The following ZBTB49 variants were observed in gnomAD, a reference collection of about 807,000 sequenced individuals.
The protein encoded by ZBTB49 is zinc finger and BTB domain-containing protein 49.
Under a neutral mutation model 57.5 loss-of-function variants are expected in ZBTB49, and 43 were observed. That is an observed-to-expected ratio of 0.75 (90% CI 0.59 to 0.97). ZBTB49 has a LOEUF of 0.97. Ranked by LOEUF, ZBTB49 falls within the 50% of genes least tolerant of loss-of-function variation. The pLI, the probability that ZBTB49 is intolerant of heterozygous loss-of-function variation, is 0.00. For synonymous variants in ZBTB49, 369 were observed against 362.1 expected, an observed-to-expected ratio of 1.02 and a Z score of -0.22; for missense variants, 938 against 947.7, an observed-to-expected ratio of 0.99 and a Z score of 0.13.
intron 7 of ZBTB49, 90 bp from the exon 8 acceptor site, chr4:4,320,550 G>A: frequency 6.6e-7 from 1 of 1,518,922 alleles, no homozygotes; most frequent in African/African-American, 1.4e-5. Flanking sequence ...TGAGGAAGAA[G>A]GATTGTTTGA....
chr4:4,321,099 A>T lies in ZBTB49; in HGVS notation c.2081A>T (p.Asp694Val). 6.2e-7 allele frequency: 1 copy of T among 1,614,140 alleles called. No homozygotes were observed. Among genetic ancestry groups the T allele is most frequent in the Non-Finnish European group, 8.5e-7 (1 of 1,180,034 alleles). Residue 694 changes from aspartate to valine, a missense_variant, in exon 8 of 8, where the codon GAT becomes GTT. Physicochemically the swap from Asp to Val is radical, Grantham distance 152. This residue lies in a region of ZBTB49 where 835 missense variants were observed against 819.1 expected (regional missense o/e 1.02). Transcript: ENST00000337872. ...CAGCCTCAGGCCTATGCTTACTCGG[A>T]TGTGGACACCCCAGCCGGTGGCGAA... Reference protein sequence around the residue: ...QTQPQAYAYSDVDTPAGGEPL... With the variant: ...QTQPQAYAYSVVDTPAGGEPL...
At position 4,321,622 on chromosome 4, in the gene ZBTB49, A is replaced by G. The variant is rs1433710809; in HGVS notation, c.*306A>G. ...GTGTGCATCGTGTCAACTACTGTAC[A>G]TGTTGGTCATGTGAAAGGAATTATA... On this transcript the variant is annotated 3_prime_UTR_variant, in exon 8 of 8. Coordinates refer to ENST00000337872, the MANE Select transcript of ZBTB49 (RefSeq NM_145291.4). The G allele has an allele frequency of 7.3e-6, 3 of 412,244 alleles. No homozygotes were observed. Among genetic ancestry groups the G allele is most frequent in the South Asian group, 3.1e-5 (1 of 32,566 alleles). The allele number at this position is 412,244 out of a possible 1,614,324, so 25.5% of individuals were successfully genotyped here. A position where few individuals can be genotyped will look rare whatever the true frequency, so the allele number is the denominator to read the frequency against.
intron 2 of ZBTB49, 82 bp downstream of exon 2, chr4:4,300,179 C>A (rs1720414551): frequency 6.9e-7 from 1 of 1,455,758 alleles, no homozygotes; most frequent in Middle Eastern, 2.0e-4. Context: ...ATTTTGTTCT[C>A]CTTGGATTTC....
At chr4:4,293,786 T>A (rs1720055930) in intron 1 of ZBTB49, among the ~76,000 whole-genome samples, 1 of 152,226 alleles carries the variant, frequency 6.6e-6, no homozygotes, top group Non-Finnish European at 1.5e-5. Context: ...TCTCTCTAGC[T>A]GGGCATCTTA....
chr4:4,293,293 C>G (rs1814374), intron 1 of ZBTB49, among the ~76,000 whole-genome samples: 112,934 of 152,210 alleles, frequency 0.74, 43,308 homozygotes, highest in Non-Finnish European at 0.83. Flanking sequence ...TGCTCCTTCT[C>G]TCACGCTATA....
chr4:4,319,811 A>C (rs1285615382), intron 7 of ZBTB49, among the ~76,000 whole-genome samples: 2 of 140,402 alleles, frequency 1.4e-5, no homozygotes, highest in African/African-American at 2.7e-5. Flanking sequence ...CACTCCCAGC[A>C]CTTTGGGAGG....
intron 7 of ZBTB49, among the ~76,000 whole-genome samples, chr4:4,316,256 G>A (rs980269240): frequency 2.6e-5 from 4 of 152,198 alleles, no homozygotes; most frequent in Non-Finnish European, 4.4e-5. Flanking sequence ...GAGGGTGGCT[G>A]GGAAAGTAGG....
intron 4 of ZBTB49, 133 bp downstream of exon 4, chr4:4,306,317 A>G: frequency 1.4e-6 from 1 of 731,302 alleles, no homozygotes; most frequent in Non-Finnish European, 2.3e-6. Context: ...CTTCAGAATA[A>G]ATTAGGATAA....
chr4:4,319,118 C>T (rs1278808242), intron 7 of ZBTB49, among the ~76,000 whole-genome samples: 1 of 151,864 alleles, frequency 6.6e-6, no homozygotes, highest in Non-Finnish European at 1.5e-5. Context: ...GTCTTGAACT[C>T]CTGAGCTCAA....
chr4:4,299,955 G>A lies in ZBTB49; in HGVS notation c.10G>A (p.Val4Ile), dbSNP rs1266974451. ...ACCTGAATGGTTGAGCATGGACCCT[G>A]TTGCTACCCACAGCTGCCATCTGCT... MDP[V>I]ATHSCHLLQQ... The change falls in exon 2 of 8, where the codon GTT becomes ATT. Residue 4 changes from valine (V) to isoleucine (I), a missense_variant. Around this residue, in one of 3 missense-constraint regions of ZBTB49, gnomAD observed 100 missense variants for 112.5 expected, o/e 0.89. Transcript: ENST00000337872. The A allele has an allele frequency of 5.0e-6, 8 of 1,614,026 alleles. No individual in the cohort carries two copies. The highest frequency in any genetic ancestry group is 5.9e-6 in the Non-Finnish European group (7 of 1,180,018).
At chr4:4,314,441 G>A (rs752619571) in intron 5 of ZBTB49, among the ~76,000 whole-genome samples, 4 of 152,102 alleles carry the variant, frequency 2.6e-5, no homozygotes, top group African/African-American at 9.7e-5. Flanking sequence ...GCTGAATCTC[G>A]GCTCACTGCA....
At chr4:4,319,686 T>C (rs1419990770) in intron 7 of ZBTB49, among the ~76,000 whole-genome samples, 1 of 152,056 alleles carries the variant, frequency 6.6e-6, no homozygotes, top group Non-Finnish European at 1.5e-5. Flanking sequence ...CCTGGTGTGT[T>C]GGCACACCTT....
intron 3 of ZBTB49, among the ~76,000 whole-genome samples, chr4:4,303,760 C>CTCTCTGTGTGTG (rs1223289249): frequency 2.5e-5 from 3 of 121,322 alleles, no homozygotes; most frequent in African/African-American, 6.7e-5. Context: ...CTCTCTCTCT[C>CTCTCTGTGTGTG]TGTGTGTGTG....
intron 4 of ZBTB49, among the ~76,000 whole-genome samples, chr4:4,306,511 G>T (rs901580390): frequency 1.3e-5 from 2 of 152,210 alleles, no homozygotes; most frequent in Non-Finnish European, 2.9e-5. Context: ...GCTGCACATT[G>T]TGCTGGGTTA....
chr4:4,290,974 G>T (rs1719873018), intron 1 of ZBTB49, among the ~76,000 whole-genome samples: 3 of 152,186 alleles, frequency 2.0e-5, no homozygotes, highest in African/African-American at 7.2e-5. Flanking sequence ...CCTTAAAACA[G>T]GGTCTGGCAC....
rs759403850 is a variant in ZBTB49 at position 4,302,291 on chromosome 4, A to AC, written c.461dup (p.His155SerfsTer18). 1 of 1,613,050 alleles carries AC rather than the reference A, an allele frequency of 6.2e-7. No homozygotes were observed. Among genetic ancestry groups the AC allele is most frequent in the Non-Finnish European group, 8.5e-7 (1 of 1,179,086 alleles). On this transcript the variant is annotated frameshift_variant, in exon 3 of 8. Transcript: ENST00000337872. LOFTEE classifies it high-confidence loss of function. ...GCCACTTGTGTTATCAGTGAAAACTACCCCCCTCATTTACTGCAGGAATGT... is the reference window on the plus strand; with the variant it reads ...GCCACTTGTGTTATCAGTGAAAACTACCCCCCCTCATTTACTGCAGGAATGT...
rs548581119 is a variant in ZBTB49 at position 4,316,510 on chromosome 4, A to G, written c.1621+540A>G. 3.4e-4 allele frequency among the ~76,000 whole-genome samples: 51 copies of G among 152,214 alleles called. 1 individual carries two copies. Among genetic ancestry groups the G allele is most frequent in the Admixed American group, 3.1e-3 (48 of 15,288 alleles). On this transcript the variant is annotated intron_variant, in intron 7 of 7. Coordinates refer to ENST00000337872, the MANE Select transcript of ZBTB49 (RefSeq NM_145291.4). The stretch of plus-strand genomic sequence containing the variant: ...AAGGTAGCTCATGACCTGTGATCAC[A>G]GCGTTGGAGCCAGGATTCCTATACA...
chr4:4,321,481 G>C lies in ZBTB49; in HGVS notation c.*165G>C, dbSNP rs1560119152. The C allele has an allele frequency of 1.2e-6, 1 of 805,296 alleles. No individual in the cohort carries two copies. The highest frequency in any genetic ancestry group is 1.9e-6 in the Non-Finnish European group (1 of 524,204). 49.9% of individuals were successfully genotyped at this position (805,296 alleles called of 1,614,324 possible). ...TAATCTGAAGCATCTTGAGCTGGGG[G>C]TGTGAGGGGGAGGGCCTGCTGGCTC... On this transcript the variant is annotated 3_prime_UTR_variant, in exon 8 of 8. Transcript: ENST00000337872.
chr4:4,302,732 A>G lies in ZBTB49; in HGVS notation c.896A>G (p.Lys299Arg), dbSNP rs548876571. The change falls in exon 3 of 8, where the codon AAG becomes AGG. Residue 299 changes from lysine (K) to arginine (R), a missense_variant. By Grantham distance (26) the Lys-to-Arg change is conservative. Around this residue, in one of 3 missense-constraint regions of ZBTB49, gnomAD observed 835 missense variants for 819.1 expected, o/e 1.02. Coordinates refer to ENST00000337872, the MANE Select transcript of ZBTB49 (RefSeq NM_145291.4). ...GACGCCACATGCCAACAACCTGTCA[A>G]GCAGATGAGGCTCAAAAAGGCCATT... ...ESDATCQQPVKQMRLKKAIHL... is the reference protein window; with the variant it reads ...ESDATCQQPVRQMRLKKAIHL... The G allele has an allele frequency of 8.1e-6, 13 of 1,613,984 alleles. No individual in the cohort carries two copies. In the South Asian group the frequency reaches 1.2e-4, roughly 15 times the overall value.
Sources: gnomAD v4.1 joint callset for allele counts (sites outside exome capture counted in the v4.1 genomes callset) on GRCh38, gnomAD v4.1.1 for gene constraint, gnomAD v4.1.1 regional missense constraint, MANE v1.5 for transcripts, NCBI Gene and HGNC (gene_info 2026-07-23, HGNC 2026-07-21) for gene names.